Variants in PAK5 observed in about 807,000 individuals in gnomAD.
The protein encoded by PAK5 is p21 (RAC1) activated kinase 5.
In PAK5, 16 loss-of-function variants were observed where a neutral mutation model predicts 65.9. The ratio of observed to expected loss-of-function variants is 0.24; its 90% CI spans 0.16 to 0.37. The LOEUF is 0.37. Among genes scored for constraint, PAK5 ranks in the 10% least tolerant of loss-of-function variants. The probability of loss-of-function intolerance (pLI) is 1.00; values close to 1 mark genes in which losing one functional copy is unlikely to be tolerated. For synonymous variants in PAK5, 371 were observed against 354.9 expected, an observed-to-expected ratio of 1.05 and a Z score of -0.51; for missense variants, 785 against 903.9, an observed-to-expected ratio of 0.87 and a Z score of 1.69.
intron 1 of PAK5, among the ~76,000 whole-genome samples, chr20:9,828,166 G>C (rs544518836): frequency 6.6e-6 from 1 of 152,296 alleles, no homozygotes; most frequent in East Asian, 1.9e-4. Context: ...TTGGCTGTGA[G>C]GGTAGGAGAA....
chr20:9,763,234 A>C (rs2048720230), intron 1 of PAK5, among the ~76,000 whole-genome samples: 2 of 152,144 alleles, frequency 1.3e-5, no homozygotes, highest in Admixed American at 1.3e-4. Flanking sequence ...TATTGTACCA[A>C]GACGGTAGAA....
At chr20:9,713,676 T>G (rs2048106547) in intron 1 of PAK5, among the ~76,000 whole-genome samples, 1 of 152,150 alleles carries the variant, frequency 6.6e-6, no homozygotes, top group Non-Finnish European at 1.5e-5. Context: ...CAAATACTAT[T>G]CAGTCACAAA....
intron 4 of PAK5, among the ~76,000 whole-genome samples, chr20:9,575,135 A>C (rs985464380): frequency 1.3e-5 from 2 of 152,172 alleles, no homozygotes; most frequent in African/African-American, 4.8e-5. Context: ...AACACATTGA[A>C]CTGTTGACCC....
intron 1 of PAK5, among the ~76,000 whole-genome samples, chr20:9,737,921 T>A (rs1218787359): frequency 6.6e-6 from 1 of 151,936 alleles, no homozygotes; most frequent in Non-Finnish European, 1.5e-5. Context: ...GGTGGGCAGA[T>A]CATGAGGTCA....
chr20:9,784,402 C>G (rs1290649660), intron 1 of PAK5: 1 of 152,112 alleles, frequency 6.6e-6, no homozygotes, highest in African/African-American at 2.4e-5. Flanking sequence ...AGCTTTGATG[C>G]TCAGGGAAGA....
chr20:9,714,242 T>C (rs556627352), intron 1 of PAK5, among the ~76,000 whole-genome samples: 302 of 152,240 alleles, frequency 2.0e-3, no homozygotes, highest in Non-Finnish European at 2.8e-3. Flanking sequence ...AAAATTTCCC[T>C]GAAAATAATT....
chr20:9,572,928 A>G (rs996862204), intron 4 of PAK5, among the ~76,000 whole-genome samples: 1 of 152,244 alleles, frequency 6.6e-6, no homozygotes, highest in Non-Finnish European at 1.5e-5. Context: ...AGAGAAGACC[A>G]GGTCAATTGT....
chr20:9,798,350 GA>G (rs1271722434), intron 1 of PAK5, among the ~76,000 whole-genome samples: 2 of 152,134 alleles, frequency 1.3e-5, no homozygotes, highest in Admixed American at 1.3e-4. Context: ...AGTATGGTGA[GA>G]GGGGAATAAA....
At chr20:9,602,631 T>C (rs931817597) in intron 3 of PAK5, among the ~76,000 whole-genome samples, 1 of 152,240 alleles carries the variant, frequency 6.6e-6, no homozygotes, top group African/African-American at 2.4e-5. Flanking sequence ...GCTAGATTAG[T>C]AGCTAGTAAG....
intron 3 of PAK5, 22 bp from the exon 4 acceptor site, chr20:9,580,952 T>C (rs1048142730): frequency 1.3e-6 from 2 of 1,503,024 alleles, no homozygotes; most frequent in African/African-American, 2.8e-5. Context: ...AGAGGGAATA[T>C]TGTTTAAAGA....
At chr20:9,814,953 T>C (rs1420523113) in intron 1 of PAK5, among the ~76,000 whole-genome samples, 2 of 152,150 alleles carry the variant, frequency 1.3e-5, no homozygotes, top group Non-Finnish European at 2.9e-5. Context: ...ACAAGAAGCA[T>C]AGCACCTGCA....
intron 1 of PAK5, among the ~76,000 whole-genome samples, chr20:9,734,953 A>T: frequency 6.6e-6 from 1 of 152,192 alleles, no homozygotes; most frequent in East Asian, 1.9e-4. Context: ...ATTTGTCAAA[A>T]TTATTCTTGA....
At chr20:9,667,507 C>G (rs1283751542) in intron 2 of PAK5, among the ~76,000 whole-genome samples, 1 of 151,928 alleles carries the variant, frequency 6.6e-6, no homozygotes, top group Non-Finnish European at 1.5e-5. Context: ...CCCAGCTGAA[C>G]CCAACCCTTC....
chr20:9,744,950 G>T (rs141423441), intron 1 of PAK5, among the ~76,000 whole-genome samples: 17 of 152,216 alleles, frequency 1.1e-4, no homozygotes, highest in African/African-American at 4.1e-4. Context: ...GGTTGCCCAT[G>T]GTATAAACTG....
chr20:9,700,222 G>A (rs2123459901), intron 2 of PAK5, among the ~76,000 whole-genome samples: 1 of 152,158 alleles, frequency 6.6e-6, no homozygotes, highest in South Asian at 2.1e-4. Flanking sequence ...GACCAGCCTG[G>A]ACAACATAGT....
intron 1 of PAK5, among the ~76,000 whole-genome samples, chr20:9,816,988 AAGAATTATACAAGCC>A (rs1223992171): frequency 6.6e-6 from 1 of 152,156 alleles, no homozygotes; most frequent in African/African-American, 2.4e-5. Flanking sequence ...ATATGAGTTT[AAGAATTATACAAGCC>A]AGGCATGGTG....
intron 7 of PAK5, among the ~76,000 whole-genome samples, chr20:9,550,086 C>T (rs1048869874): frequency 3.3e-5 from 5 of 152,176 alleles, no homozygotes; most frequent in African/African-American, 9.7e-5. Flanking sequence ...CATGGAGACA[C>T]GGCGCTATAG....
At chr20:9,656,480 A>G (rs1295144386) in intron 2 of PAK5, among the ~76,000 whole-genome samples, 2 of 152,050 alleles carry the variant, frequency 1.3e-5, no homozygotes, top group Non-Finnish European at 2.9e-5. Context: ...TTTTCCTTGT[A>G]TGTTTTTATC....
At chr20:9,545,229 A>G (rs1418821092) in intron 7 of PAK5, among the ~76,000 whole-genome samples, 1 of 152,132 alleles carries the variant, frequency 6.6e-6, no homozygotes, top group African/African-American at 2.4e-5. Context: ...TCAAGGAGGA[A>G]AAAAACTTGG....
Sources: allele counts gnomAD v4.1 joint callset (sites outside exome capture counted in the v4.1 genomes callset), GRCh38; gene constraint gnomAD v4.1.1; transcripts MANE v1.5; gene names NCBI Gene and HGNC (gene_info 2026-07-23, HGNC 2026-07-21).